The following REDIC1 variants were observed in gnomAD, a reference collection of about 807,000 sequenced individuals.
REDIC1 encodes the protein HEI10 Interacting Protein 1.
chr12:39,749,826 A>C, the REDIC1 span, among the ~76,000 whole-genome samples: 1 of 152,264 alleles, frequency 6.6e-6, no homozygotes, highest in South Asian at 2.1e-4. Context: ...CCACATGATT[A>C]TCTCAATAGA....
At chr12:39,823,276 T>A in the REDIC1 span, among the ~76,000 whole-genome samples, 15 of 152,230 alleles carry the variant, frequency 9.9e-5, no homozygotes, top group Admixed American at 7.2e-4. Context: ...TTGAGCTACA[T>A]TGTTATTAAT....
At chr12:39,769,663 C>G in the REDIC1 span, among the ~76,000 whole-genome samples, 2 of 151,936 alleles carry the variant, frequency 1.3e-5, no homozygotes, top group African/African-American at 4.8e-5. Context: ...CACGTTCCAT[C>G]AATATCTCTT....
the REDIC1 span, among the ~76,000 whole-genome samples, chr12:39,790,373 C>A: frequency 8.8e-6 from 1 of 114,180 alleles, no homozygotes; most frequent in Middle Eastern, 5.2e-3. Context: ...CTCCCCCCTC[C>A]CCCCACCCCA....
At chr12:39,900,623 A>C in the REDIC1 span, among the ~76,000 whole-genome samples, 1 of 152,178 alleles carries the variant, frequency 6.6e-6, no homozygotes, top group African/African-American at 2.4e-5. Flanking sequence ...TAGGAATCCA[A>C]CTTACAAGGG....
the REDIC1 span, chr12:39,829,550 A>T: frequency 6.4e-6 from 1 of 157,274 alleles, no homozygotes; most frequent in Admixed American, 6.1e-5. Flanking sequence ...AGCAGCTGGG[A>T]TTACAGGCAT....
chr12:39,695,481 G>A, the REDIC1 span, among the ~76,000 whole-genome samples: 3 of 152,164 alleles, frequency 2.0e-5, no homozygotes, highest in East Asian at 5.8e-4. Context: ...CTGTAGGCCT[G>A]GGTTGTGATG....
chr12:39,905,771 A>G, the REDIC1 span, among the ~76,000 whole-genome samples: 1 of 151,726 alleles, frequency 6.6e-6, no homozygotes, highest in South Asian at 2.1e-4. Flanking sequence ...AAAGTCTGCC[A>G]CAAATTGAAA....
At chr12:39,898,181 A>G in the REDIC1 span, among the ~76,000 whole-genome samples, 2 of 152,176 alleles carry the variant, frequency 1.3e-5, no homozygotes, top group Admixed American at 6.6e-5. Context: ...ATAAATTTCT[A>G]GAAGTAAATA....
the REDIC1 span, among the ~76,000 whole-genome samples, chr12:39,678,523 G>A: frequency 3.3e-5 from 5 of 150,146 alleles, no homozygotes; most frequent in South Asian, 1.1e-3. Context: ...AGAAGAATTG[G>A]TACCAATCCT....
the REDIC1 span, among the ~76,000 whole-genome samples, chr12:39,903,178 G>C: frequency 6.6e-6 from 1 of 152,096 alleles, no homozygotes; most frequent in African/African-American, 2.4e-5. Flanking sequence ...AATCTGAATA[G>C]CATTATGAAC....
At chr12:39,696,184 A>G in the REDIC1 span, among the ~76,000 whole-genome samples, 2 of 152,120 alleles carry the variant, frequency 1.3e-5, no homozygotes, top group Non-Finnish European at 2.9e-5. Flanking sequence ...TTCAGTGCCC[A>G]GGTACAAACA....
chr12:39,684,545 C>CCCA, the REDIC1 span, among the ~76,000 whole-genome samples: 2 of 152,074 alleles, frequency 1.3e-5, no homozygotes, highest in African/African-American at 4.8e-5. Context: ...TGTTATATCT[C>CCCA]CCAATATCTA....
the REDIC1 span, among the ~76,000 whole-genome samples, chr12:39,774,022 T>TATCA: frequency 6.6e-6 from 1 of 152,204 alleles, no homozygotes; most frequent in Non-Finnish European, 1.5e-5. Flanking sequence ...GTCCCTAAGC[T>TATCA]ATCACCTCAA....
the REDIC1 span, chr12:39,720,909 G>T: frequency 5.0e-6 from 8 of 1,613,464 alleles, no homozygotes; most frequent in Non-Finnish European, 5.9e-6. Flanking sequence ...CAGGTGACAG[G>T]ATTGTTAAAA....
At chr12:39,680,418 A>G in the REDIC1 span, among the ~76,000 whole-genome samples, 1 of 152,208 alleles carries the variant, frequency 6.6e-6, no homozygotes, top group African/African-American at 2.4e-5. Context: ...AATCAAAACC[A>G]CAATGCAATC....
the REDIC1 span, among the ~76,000 whole-genome samples, chr12:39,636,100 A>T: frequency 1.3e-5 from 2 of 151,996 alleles, no homozygotes; most frequent in Non-Finnish European, 2.9e-5. Context: ...AAATATACTT[A>T]TGTGTTGGAG....
chr12:39,631,382 A>G, the REDIC1 span, among the ~76,000 whole-genome samples: 12 of 152,284 alleles, frequency 7.9e-5, no homozygotes, highest in East Asian at 2.3e-3. Flanking sequence ...TTTTGAAAAT[A>G]TATTTTTGAT....
chr12:39,870,508 A>G, the REDIC1 span, among the ~76,000 whole-genome samples: 3 of 152,138 alleles, frequency 2.0e-5, no homozygotes, highest in African/African-American at 7.2e-5. Context: ...AACATCTACT[A>G]TCTGCTAAAA....
chr12:39,725,472 A>C, the REDIC1 span, among the ~76,000 whole-genome samples: 18 of 152,204 alleles, frequency 1.2e-4, no homozygotes, highest in African/African-American at 4.1e-4. Context: ...ATATGTCTTT[A>C]GGCCTTCTTA....
Sources: allele counts gnomAD v4.1 joint callset (sites outside exome capture counted in the v4.1 genomes callset), GRCh38; gene constraint gnomAD v4.1.1; transcripts MANE v1.5; gene names NCBI Gene and HGNC (gene_info 2026-07-23, HGNC 2026-07-21).